The following HIPK2 variants were observed in gnomAD, a reference collection of about 807,000 sequenced individuals.
The protein encoded by HIPK2 is homeodomain-interacting protein kinase 2.
In HIPK2, 27 loss-of-function variants were observed where a neutral mutation model predicts 113.7. The observed-to-expected ratio is 0.24, with a 90% CI of 0.17 to 0.33. The LOEUF (loss-of-function observed/expected upper bound fraction) is 0.33. Ranked by LOEUF, HIPK2 falls within the 10% of genes least tolerant of loss-of-function variation. HIPK2 has a pLI of 1.00. For synonymous variants in HIPK2, 631 were observed against 642.2 expected, an observed-to-expected ratio of 0.98 and a Z score of 0.26; for missense variants, 1,257 against 1,588.0, an observed-to-expected ratio of 0.79 and a Z score of 3.54.
intron 2 of HIPK2, among the ~76,000 whole-genome samples, chr7:139,694,821 C>G (rs1287833161): frequency 6.6e-6 from 1 of 152,178 alleles, no homozygotes; most frequent in East Asian, 1.9e-4. Flanking sequence ...AACCCCAGGA[C>G]AGGTGACTGG....
intron 2 of HIPK2, among the ~76,000 whole-genome samples, chr7:139,662,545 C>G (rs1801900582): frequency 6.6e-6 from 1 of 151,920 alleles, no homozygotes; most frequent in East Asian, 1.9e-4. Context: ...GGCCATATAC[C>G]AGGGGTGTAC....
At chr7:139,706,964 C>T (rs1323452089) in intron 2 of HIPK2, among the ~76,000 whole-genome samples, 1 of 152,182 alleles carries the variant, frequency 6.6e-6, no homozygotes, top group African/African-American at 2.4e-5. Context: ...TGCTCAAGCC[C>T]ACTCAGTCCT....
At chr7:139,768,889 C>A (rs899376662) in intron 1 of HIPK2, among the ~76,000 whole-genome samples, 2 of 152,220 alleles carry the variant, frequency 1.3e-5, no homozygotes, top group African/African-American at 4.8e-5. Context: ...AGAGCCCTAG[C>A]TCTGCTCCCC....
chr7:139,735,284 G>T (rs553938663), intron 1 of HIPK2, among the ~76,000 whole-genome samples: 1 of 152,172 alleles, frequency 6.6e-6, no homozygotes, highest in Non-Finnish European at 1.5e-5. Context: ...TTCCAGAGAG[G>T]ACCTTCTGAC....
intron 6 of HIPK2, among the ~76,000 whole-genome samples, chr7:139,621,965 A>C (rs1233885757): frequency 2.0e-5 from 3 of 151,822 alleles, no homozygotes; most frequent in Admixed American, 1.3e-4. Context: ...AAGAAAAAAA[A>C]CTCATTTAAT....
intron 2 of HIPK2, among the ~76,000 whole-genome samples, chr7:139,688,758 C>A (rs1794305899): frequency 6.6e-6 from 1 of 151,994 alleles, no homozygotes; most frequent in Non-Finnish European, 1.5e-5. Context: ...CTCTTCCCAC[C>A]TCCCACCTCA....
At chr7:139,584,413 G>A (rs1185534375) in intron 12 of HIPK2, among the ~76,000 whole-genome samples, 6 of 152,204 alleles carry the variant, frequency 3.9e-5, no homozygotes, top group African/African-American at 1.2e-4. Context: ...TACAACCCCC[G>A]TGGGCCTGCC....
At chr7:139,707,772 C>A (rs1249677180) in intron 2 of HIPK2, among the ~76,000 whole-genome samples, 1 of 152,232 alleles carries the variant, frequency 6.6e-6, no homozygotes, top group Non-Finnish European at 1.5e-5. Flanking sequence ...CAGCTCCAAA[C>A]CCAGCTGTGG....
At chr7:139,650,219 A>T (rs1440496682) in intron 2 of HIPK2, among the ~76,000 whole-genome samples, 2 of 152,062 alleles carry the variant, frequency 1.3e-5, no homozygotes, top group East Asian at 3.9e-4. Context: ...GTGTGGTAGC[A>T]TGAACCTGTA....
chr7:139,733,360 T>C (rs1030457900), intron 1 of HIPK2, among the ~76,000 whole-genome samples: 5 of 152,214 alleles, frequency 3.3e-5, no homozygotes, highest in African/African-American at 1.2e-4. Context: ...TAACACAGAA[T>C]AGAATTTACT....
intron 12 of HIPK2, among the ~76,000 whole-genome samples, chr7:139,585,654 T>C (rs189237432): frequency 2.0e-5 from 3 of 152,328 alleles, no homozygotes; most frequent in Admixed American, 2.0e-4. Context: ...TAGGCTTGTT[T>C]TGAGAACTAA....
chr7:139,587,340 A>C (rs376550963), intron 12 of HIPK2, among the ~76,000 whole-genome samples: 11 of 151,720 alleles, frequency 7.3e-5, no homozygotes, highest in Admixed American at 2.0e-4. Flanking sequence ...AAATACCAAA[A>C]ATTAGCCGGG....
chr7:139,777,501 G>C (rs1377236737), intron 1 of HIPK2, 104 bp downstream of exon 1: 2 of 358,738 alleles, frequency 5.6e-6, no homozygotes, highest in Non-Finnish European at 7.9e-6. Flanking sequence ...GTGGGGGCTG[G>C]GGCAGGCGCC....
chr7:139,603,928 A>C (rs1799525782), intron 10 of HIPK2, 153 bp downstream of exon 10: 1 of 429,102 alleles, frequency 2.3e-6, no homozygotes, highest in African/African-American at 2.2e-5. Context: ...GTTACCCTGC[A>C]CTCATAGTCC....
chr7:139,668,375 C>T (rs987891210), intron 2 of HIPK2, among the ~76,000 whole-genome samples: 1 of 152,020 alleles, frequency 6.6e-6, no homozygotes, highest in Admixed American at 6.6e-5. Context: ...TCCTGGCTAA[C>T]ATGGTGAAAC....
chr7:139,748,971 T>C (rs960091294), intron 1 of HIPK2, among the ~76,000 whole-genome samples: 1 of 152,192 alleles, frequency 6.6e-6, no homozygotes, highest in African/African-American at 2.4e-5. Context: ...ATTTCCATGA[T>C]ACACCAAGTC....
intron 1 of HIPK2, among the ~76,000 whole-genome samples, chr7:139,747,573 C>A (rs1406076855): frequency 6.6e-6 from 1 of 152,236 alleles, no homozygotes; most frequent in Non-Finnish European, 1.5e-5. Flanking sequence ...CAAAGCCTCA[C>A]ATTAAGCATC....
In HIPK2 at chr7:139,567,692, G is replaced by GA. The variant is rs1005990354; in HGVS notation, c.*5234dup. 2.0e-5 allele frequency: 3 copies of GA among 152,246 alleles called. No individual in the cohort carries two copies. Among genetic ancestry groups the GA allele is most frequent in the Non-Finnish European group, 4.4e-5 (3 of 68,080 alleles). The allele number at this position is 152,246 out of a possible 1,614,324, so 9.4% of individuals were successfully genotyped here. A position where few individuals can be genotyped will look rare whatever the true frequency, so the allele number is the denominator to read the frequency against. On this transcript the variant is annotated 3_prime_UTR_variant, in exon 15 of 15. Coordinates refer to ENST00000406875, the MANE Select transcript of HIPK2 (RefSeq NM_022740.5). ...GAAGCCTGCAAAGTCCCTGGGGCTG[G>GA]AATGTCTTGTGGCCAAGTCACTCCT...
chr7:139,606,584 C>T (rs73481739), intron 9 of HIPK2, among the ~76,000 whole-genome samples: 60 of 152,330 alleles, frequency 3.9e-4, no homozygotes, highest in African/African-American at 1.4e-3. Context: ...ATCAGGTCTT[C>T]ATTTCCCCTT....
Sources: allele counts gnomAD v4.1 joint callset (sites outside exome capture counted in the v4.1 genomes callset), GRCh38; gene constraint gnomAD v4.1.1; transcripts MANE v1.5; gene names NCBI Gene and HGNC (gene_info 2026-07-23, HGNC 2026-07-21).